Variants in ROBO2 observed in about 807,000 individuals in gnomAD.
ROBO2 encodes roundabout homolog 2.
Under a neutral mutation model 160.8 loss-of-function variants are expected in ROBO2, and 53 were observed. The observed-to-expected ratio is 0.33, with a 90% CI of 0.26 to 0.41. The LOEUF is 0.41. Among genes scored for constraint, ROBO2 ranks in the 10% least tolerant of loss-of-function variants. The pLI is 1.00. For synonymous variants in ROBO2, 664 were observed against 611.7 expected (o/e 1.09, Z -1.26); for missense variants, 1,577 against 1,722.4 (o/e 0.92, Z 1.49).
At chr3:77,157,373 C>T (rs577278218) in intron 2 of ROBO2, among the ~76,000 whole-genome samples, 2 of 152,180 alleles carry the variant, frequency 1.3e-5, no homozygotes, top group South Asian at 4.1e-4. Flanking sequence ...CTATATTCAG[C>T]TTCATTGTCT....
chr3:77,284,038 A>T (rs1016471170), intron 2 of ROBO2, among the ~76,000 whole-genome samples: 2 of 152,178 alleles, frequency 1.3e-5, no homozygotes, highest in African/African-American at 4.8e-5. Context: ...CATTCTTTAA[A>T]TATTGATGTA....
At chr3:76,382,606 G>T (rs2076691645) in intron 2 of ROBO2, among the ~76,000 whole-genome samples, 1 of 152,072 alleles carries the variant, frequency 6.6e-6, no homozygotes, top group African/African-American at 2.4e-5. Flanking sequence ...CAAACAAAAA[G>T]CTTCTTCAGG....
intron 2 of ROBO2, among the ~76,000 whole-genome samples, chr3:76,861,362 C>A (rs1190218853): frequency 1.3e-5 from 2 of 152,160 alleles, no homozygotes; most frequent in Non-Finnish European, 1.5e-5. Flanking sequence ...GAGGTGTAAA[C>A]ACATGTAAAG....
intron 2 of ROBO2, among the ~76,000 whole-genome samples, chr3:76,518,432 G>A (rs1055678191): frequency 6.6e-6 from 1 of 152,238 alleles, no homozygotes; most frequent in Middle Eastern, 3.4e-3. Flanking sequence ...AAAGAGGAAG[G>A]TAGGAAAGGT....
chr3:77,355,595 G>A (rs2068995121), intron 2 of ROBO2, among the ~76,000 whole-genome samples: 1 of 152,064 alleles, frequency 6.6e-6, no homozygotes, highest in South Asian at 2.1e-4. Context: ...TGCTAGTGAT[G>A]CAGATATGAG....
At chr3:76,331,788 A>G (rs1308132019) in intron 2 of ROBO2, among the ~76,000 whole-genome samples, 2 of 151,554 alleles carry the variant, frequency 1.3e-5, no homozygotes, top group African/African-American at 4.9e-5. Context: ...GGTTCAAGCA[A>G]TTCTCCTGTC....
chr3:77,079,265 A>T (rs2068364737), intron 1 of ROBO2, among the ~76,000 whole-genome samples: 1 of 152,172 alleles, frequency 6.6e-6, no homozygotes, highest in African/African-American at 2.4e-5. Flanking sequence ...TAATTATTTA[A>T]TTCAACTATT....
intron 2 of ROBO2, among the ~76,000 whole-genome samples, chr3:76,267,137 A>T (rs920334867): frequency 2.0e-5 from 3 of 152,170 alleles, no homozygotes; most frequent in African/African-American, 7.2e-5. Flanking sequence ...ATTTTGAGTG[A>T]TGTTTCCATT....
rs1412120648 is a variant in ROBO2, at chr3:76,405,494, C to T, written c.109+467892C>T. ...AGGTCAGATATCTAAAGGAAATGCA[C>T]AAATTTACGCAGTCAAGTAAATCTG... On this transcript the variant is annotated intron_variant, in intron 2 of 26. Coordinates refer to the ROBO2 transcript ENST00000487694. Among the ~76,000 whole-genome samples the T allele has an allele frequency of 3.3e-5, 5 of 151,870 alleles. No homozygotes were observed. In the South Asian group the frequency reaches 8.3e-4, roughly 25 times the overall value.
intron 2 of ROBO2, among the ~76,000 whole-genome samples, chr3:76,808,419 C>T (rs532788305): frequency 1.3e-5 from 2 of 152,104 alleles, no homozygotes; most frequent in East Asian, 3.9e-4. Context: ...TCCTCTGTCC[C>T]AGGTAATATT....
intron 2 of ROBO2, among the ~76,000 whole-genome samples, chr3:77,236,851 A>G (rs2088066684): frequency 6.6e-6 from 1 of 152,134 alleles, no homozygotes; most frequent in Non-Finnish European, 1.5e-5. Flanking sequence ...AGTTTATTCC[A>G]TATTTCATTG....
intron 2 of ROBO2, among the ~76,000 whole-genome samples, chr3:76,201,751 T>C (rs915934725): frequency 6.6e-6 from 1 of 152,062 alleles, no homozygotes; most frequent in African/African-American, 2.4e-5. Flanking sequence ...TGAAGTTTGC[T>C]GGGCTGCACA....
intron 2 of ROBO2, among the ~76,000 whole-genome samples, chr3:77,359,624 T>G (rs1003430490): frequency 1.3e-5 from 2 of 152,086 alleles, no homozygotes; most frequent in African/African-American, 4.8e-5. Context: ...AGAGAGGGCA[T>G]CTGTAGACCA....
At chr3:77,186,548 A>T (rs1373027146) in intron 2 of ROBO2, among the ~76,000 whole-genome samples, 1 of 151,770 alleles carries the variant, frequency 6.6e-6, no homozygotes. Context: ...TGCAAAAGAG[A>T]TTATACGGAG....
chr3:76,043,844 G>A (rs1423641741), intron 2 of ROBO2, among the ~76,000 whole-genome samples: 1 of 151,808 alleles, frequency 6.6e-6, no homozygotes, highest in Admixed American at 6.6e-5. Flanking sequence ...ACATTATCTT[G>A]GAACTATGTG....
chr3:77,326,533 G>C (rs1041824643), intron 2 of ROBO2, among the ~76,000 whole-genome samples: 1 of 152,072 alleles, frequency 6.6e-6, no homozygotes, highest in African/African-American at 2.4e-5. Flanking sequence ...GTTTTGTGTT[G>C]TTTAAAAGTA....
chr3:77,087,829 TACAC>T (rs561626412), intron 1 of ROBO2, among the ~76,000 whole-genome samples: 9 of 151,970 alleles, frequency 5.9e-5, no homozygotes, highest in Non-Finnish European at 1.2e-4. Flanking sequence ...TGTATATATA[TACAC>T]ACACACATAT....
At chr3:77,169,607 AC>A (rs1371334895) in intron 2 of ROBO2, among the ~76,000 whole-genome samples, 113 of 152,200 alleles carry the variant, frequency 7.4e-4, no homozygotes, top group African/African-American at 2.6e-3. Context: ...CTGCAAATCC[AC>A]CCTACTCACC....
chr3:76,532,864 A>G (rs879097215), intron 2 of ROBO2, among the ~76,000 whole-genome samples: 1 of 152,198 alleles, frequency 6.6e-6, no homozygotes. Context: ...GTCACGTTTT[A>G]TATTTGTTCC....
Sources: gnomAD v4.1 joint callset for allele counts (sites outside exome capture counted in the v4.1 genomes callset) on GRCh38, gnomAD v4.1.1 for gene constraint, MANE v1.5 for transcripts, NCBI Gene and HGNC (gene_info 2026-07-23, HGNC 2026-07-21) for gene names.